MCM7: variants seen among roughly 807,000 people sequenced by gnomAD.
MCM7 encodes the protein minichromosome maintenance complex component 7.
Under a neutral mutation model 83.5 loss-of-function variants are expected in MCM7, and 95 were observed. The ratio of observed to expected loss-of-function variants is 1.14; its 90% CI spans 0.96 to 1.35. The LOEUF (loss-of-function observed/expected upper bound fraction) is 1.35. Among genes scored for constraint, MCM7 ranks in the 40% most tolerant of loss-of-function variants. MCM7 has a pLI of 0.00. For missense variants in MCM7, 1,087 were observed against 957.4 expected, an observed-to-expected ratio of 1.14 and a Z score of -1.79; for synonymous variants, 461 against 352.7, an observed-to-expected ratio of 1.31 and a Z score of -3.44.
intron 13 of MCM7, 123 bp from the exon 14 acceptor site, chr7:100,093,524 G>T: frequency 1.1e-6 from 1 of 882,594 alleles, no homozygotes; most frequent in Non-Finnish European, 1.9e-6. Flanking sequence ...CAAAACAGGA[G>T]TGGAATCCCC....
In MCM7 at chr7:100,093,320, G is replaced by A; in HGVS notation, c.1930C>T (p.Leu644Phe). 1.2e-6 allele frequency: 2 copies of A among 1,614,028 alleles called. No homozygotes were observed. Among genetic ancestry groups the A allele is most frequent in the Non-Finnish European group, 8.5e-7 (1 of 1,180,010 alleles). ...GCTGTCTGCCCCTTGTCTCCTAGAA[G>A]AGAGTCCTTTGACATCTCCATTAGC... Reference protein sequence around the residue: ...IRLMEMSKDSLLGDKGQTART... With the variant: ...IRLMEMSKDSFLGDKGQTART... The change falls in exon 14 of 15, where the codon CTT becomes TTT. Residue 644 changes from leucine (L) to phenylalanine (F), a missense_variant. Physicochemically the swap from Leu to Phe is conservative, Grantham distance 22. Coordinates refer to ENST00000303887, the MANE Select transcript of MCM7 (RefSeq NM_005916.5).
chr7:100,092,992 T>C lies in MCM7; in HGVS notation c.2100A>G (p.Glu700=), dbSNP rs750976509. The C allele has an allele frequency of 6.2e-6, 10 of 1,614,104 alleles. No homozygotes were observed. Among genetic ancestry groups the C allele is most frequent in the South Asian group, 1.1e-5 (1 of 91,094 alleles). ...CCTGCCAGACATTGAGCTCCTCATA[T>C]TCATCCAGAGCCGCCTGGAACTGGG... The part of the protein sequence containing the change: ...TPAQFQAALD[E]YEELNVWQVN... Residue 700 remains glutamate (E), a synonymous_variant, in exon 15 of 15, where the codon GAA becomes GAG. Transcript: ENST00000303887.
chr7:100,100,808 G>A, intron 1 of MCM7: 1 of 997,592 alleles, frequency 1.0e-6, no homozygotes, highest in Non-Finnish European at 1.2e-6. Context: ...CCGCTCGGAG[G>A]GCGGCCTCAA....
intron 5 of MCM7, 64 bp from the exon 6 acceptor site, chr7:100,098,779 C>T (rs1054631183): frequency 5.0e-6 from 8 of 1,588,702 alleles, no homozygotes; most frequent in Non-Finnish European, 6.9e-6. Context: ...TGGGTCGGTC[C>T]TTTGAATCAC....
chr7:100,096,974 G>A (rs1486662889), intron 10 of MCM7, among the ~76,000 whole-genome samples: 2 of 152,012 alleles, frequency 1.3e-5, no homozygotes, highest in African/African-American at 4.8e-5. Context: ...GGTGGCGGGC[G>A]CCTGTAGTCC....
In MCM7 at chr7:100,098,122, A is replaced by G; in HGVS notation, c.870+19T>C. ...GGGAAAAGGGGATGATCCATTCCTC[A>G]TGTCAAACTCTTCCTTACCTGTACC... On this transcript the variant is annotated intron_variant, in intron 7 of 14. Transcript: ENST00000303887. The G allele has an allele frequency of 1.2e-6, 2 of 1,613,234 alleles. No individual in the cohort carries two copies. The highest frequency in any genetic ancestry group is 1.1e-5 in the South Asian group (1 of 91,022).
intron 1 of MCM7, 90 bp downstream of exon 1, chr7:100,101,174 C>A: frequency 6.5e-7 from 1 of 1,542,948 alleles, no homozygotes; most frequent in Non-Finnish European, 8.9e-7. Flanking sequence ...ACCCGCCGAC[C>A]CCGGTCCCCC....
intron 11 of MCM7, 119 bp downstream of exon 11, chr7:100,095,655 C>T: frequency 1.4e-6 from 2 of 1,397,340 alleles, no homozygotes; most frequent in Non-Finnish European, 1.9e-6. Flanking sequence ...CCAGCCCCTG[C>T]TGCAAAGGGG....
At chr7:100,096,511 C>T (rs770942943) in intron 10 of MCM7, among the ~76,000 whole-genome samples, 13 of 152,242 alleles carry the variant, frequency 8.5e-5, no homozygotes, top group Non-Finnish European at 1.9e-4. Context: ...GTGGCTAACT[C>T]CTCTAATCCC....
intron 10 of MCM7, among the ~76,000 whole-genome samples, chr7:100,096,832 G>A (rs1378263428): frequency 6.6e-6 from 1 of 152,100 alleles, no homozygotes; most frequent in Non-Finnish European, 1.5e-5. Context: ...GCCGGGTGCG[G>A]TGGCTCACGC....
intron 10 of MCM7, among the ~76,000 whole-genome samples, chr7:100,096,409 C>T (rs923292098): frequency 1.2e-4 from 18 of 152,170 alleles, no homozygotes; most frequent in African/African-American, 3.9e-4. Context: ...TCAAGCCATC[C>T]TCCGGCCTCA....
intron 13 of MCM7, 153 bp downstream of exon 13, chr7:100,094,020 G>A (rs1043913674): frequency 2.1e-6 from 2 of 971,734 alleles, no homozygotes; most frequent in African/African-American, 3.2e-5. Context: ...TACCCACAGT[G>A]CGGTAGCACG....
chr7:100,098,299 G>A lies in MCM7; in HGVS notation c.721-9C>T, dbSNP rs1358922610. ...ACAGGCACCTGATCACTCTAGGGGA[G>A]GGAAAGGCACATAAGACTAGGAGAA... On this transcript the variant is annotated splice_polypyrimidine_tract_variant and intron_variant, in intron 6 of 14. Transcript: ENST00000303887. 9 of 1,612,932 alleles carry A rather than the reference G, an allele frequency of 5.6e-6. No homozygotes were observed. The highest frequency in any genetic ancestry group is 1.1e-5 in the South Asian group (1 of 90,884).
rs749189763 is a variant in MCM7 at position 100,099,418 on chromosome 7, C to CAAAAAAA, written c.277-22_277-16dup. 149 of 1,305,348 alleles carry CAAAAAAA rather than the reference C, an allele frequency of 1.1e-4. No individual in the cohort carries two copies. The highest frequency in any genetic ancestry group is 2.4e-4 in the South Asian group (15 of 62,350). 80.9% of individuals were successfully genotyped at this position (1,305,348 alleles called of 1,614,324 possible). On this transcript the variant is annotated splice_polypyrimidine_tract_variant and intron_variant, in intron 3 of 14. Coordinates refer to ENST00000303887, the MANE Select transcript of MCM7 (RefSeq NM_005916.5). ...TTATTTACCACCTAAAGGAGAAGAA[C>CAAAAAAA]AAAAAAAAAAAAAAAAAAGAGCAAC...
At position 100,097,753 on chromosome 7, in the gene MCM7, G is replaced by A. The variant is rs200004788; in HGVS notation, c.986-8C>T. 124 of 1,614,076 alleles carry A rather than the reference G, an allele frequency of 7.7e-5. 1 individual carries two copies. Among genetic ancestry groups the A allele is most frequent in the Non-Finnish European group, 9.7e-5 (114 of 1,180,052 alleles). On this transcript the variant is annotated splice_region_variant and splice_polypyrimidine_tract_variant and intron_variant, in intron 8 of 14. Coordinates refer to ENST00000303887, the MANE Select transcript of MCM7 (RefSeq NM_005916.5). ...TTTCGTAGAAATCCTCCTCTGTAGA[G>A]AAGTTAAGGTTGTTTTATTTTCTGG...
chr7:100,097,954 G>C lies in MCM7; in HGVS notation c.871-6C>G, dbSNP rs1415712245. ...TAGGTTTCTGAGAGTAAACCCTTGGGCAGGAAAATGCCAGGATACAGATGT... is the reference window on the plus strand; with the variant it reads ...TAGGTTTCTGAGAGTAAACCCTTGGCCAGGAAAATGCCAGGATACAGATGT... On this transcript the variant is annotated splice_polypyrimidine_tract_variant and splice_region_variant and intron_variant, in intron 7 of 14. Transcript: ENST00000303887. 6.2e-7 allele frequency: 1 copy of C among 1,612,464 alleles called. No individual in the cohort carries two copies. The highest frequency in any genetic ancestry group is 1.3e-5 in the African/African-American group (1 of 74,870).
In MCM7 at chr7:100,101,274, C is replaced by A. The variant is rs201039171; in HGVS notation, c.21G>T (p.Ala7=). The change falls in exon 1 of 15, where the codon GCG becomes GCT. Residue 7 remains alanine (A), a synonymous_variant. Coordinates refer to ENST00000303887, the MANE Select transcript of MCM7 (RefSeq NM_005916.5). MALKDY[A]LEKEKVKKFL... ...CTCGTAGACCCGTACCCTTCTCTAG[C>A]GCGTAGTCCTTCAGTGCCATCGCTG... The A allele has an allele frequency of 6.2e-7, 1 of 1,613,156 alleles. No homozygotes were observed. Among genetic ancestry groups the A allele is most frequent in the African/African-American group, 1.3e-5 (1 of 74,948 alleles).
chr7:100,094,357 C>CATGGGGAAGCAGAAGAGGGAG lies in MCM7; in HGVS notation c.1680-37_1680-17dup, dbSNP rs757770601. The CATGGGGAAGCAGAAGAGGGAG allele has an allele frequency of 6.2e-7, 1 of 1,613,468 alleles. No individual in the cohort carries two copies. The highest frequency in any genetic ancestry group is 1.3e-5 in the African/African-American group (1 of 75,030). ...TATGTAACGCCTGTGGGGGAAGGTTCATGGGGAAGCAGAAGAGGGAGATGG... is the reference window on the plus strand; with the variant it reads ...TATGTAACGCCTGTGGGGGAAGGTTCATGGGGAAGCAGAAGAGGGAGATGGGGAAGCAGAAGAGGGAGATGG... On this transcript the variant is annotated splice_polypyrimidine_tract_variant and intron_variant, in intron 12 of 14. Coordinates refer to ENST00000303887, the MANE Select transcript of MCM7 (RefSeq NM_005916.5).
rs2116578807 is a variant in MCM7, at chr7:100,098,111, A to T, written c.870+30T>A. The T allele has an allele frequency of 2.5e-6, 4 of 1,611,782 alleles. No homozygotes were observed. In the East Asian group the frequency reaches 8.9e-5, roughly 36 times the overall value. On this transcript the variant is annotated intron_variant, in intron 7 of 14. Transcript: ENST00000303887. ...TGAGTAGGTGAGGGAAAAGGGGATG[A>T]TCCATTCCTCATGTCAAACTCTTCC...
Sources: allele counts gnomAD v4.1 joint callset (sites outside exome capture counted in the v4.1 genomes callset), GRCh38; gene constraint gnomAD v4.1.1; transcripts MANE v1.5; gene names NCBI Gene and HGNC (gene_info 2026-07-23, HGNC 2026-07-21).